GPCPD1: variants seen among roughly 807,000 people sequenced by gnomAD.
GPCPD1 encodes glycerophosphocholine phosphodiesterase GPCPD1.
In GPCPD1, 29 loss-of-function variants were observed where a neutral mutation model predicts 89.2. The observed-to-expected ratio is 0.33, with a 90% CI of 0.24 to 0.44. The LOEUF is 0.44. GPCPD1 is among the 20% of genes least tolerant of loss of function. The pLI is 1.00. For synonymous variants in GPCPD1, 258 were observed against 266.3 expected, an observed-to-expected ratio of 0.97 and a Z score of 0.30; for missense variants, 594 against 808.9, an observed-to-expected ratio of 0.73 and a Z score of 3.22.
intron 2 of GPCPD1, among the ~76,000 whole-genome samples, chr20:5,602,072 C>A (rs931957790): frequency 6.6e-6 from 1 of 152,244 alleles, no homozygotes; most frequent in African/African-American, 2.4e-5. Flanking sequence ...GTCCTCTCTG[C>A]ACTACCATTC....
chr20:5,548,075 AC>A (rs1985133567), intron 19 of GPCPD1, among the ~76,000 whole-genome samples: 1 of 152,238 alleles, frequency 6.6e-6, no homozygotes, highest in African/African-American at 2.4e-5. Flanking sequence ...GCCCTTTTGT[AC>A]CCCCGATGCA....
At position 5,586,266 on chromosome 20, in the gene GPCPD1, T is replaced by C. The variant is rs765836026; in HGVS notation, c.235A>G (p.Ile79Val). ...ACTATCACTTGACATGGACCACCGA[T>C]AGTCTGCAATTTAAAAGTTAAACGT... Reference protein sequence around the residue: ...FKGYFLEPKTIGGPCQVIVHK... With the variant: ...FKGYFLEPKTVGGPCQVIVHK... Residue 79 changes from isoleucine (I) to valine (V), a missense_variant, in exon 5 of 20, where the codon ATC becomes GTC. Coordinates refer to ENST00000379019, the MANE Select transcript of GPCPD1 (RefSeq NM_019593.5). The C allele has an allele frequency of 6.4e-7, 1 of 1,569,246 alleles. No individual in the cohort carries two copies. The highest frequency in any genetic ancestry group is 1.4e-5 in the African/African-American group (1 of 74,072).
At chr20:5,566,596 C>A (rs1986404215) in intron 14 of GPCPD1, 137 bp downstream of exon 14, 3 of 597,370 alleles carry the variant, frequency 5.0e-6, no homozygotes, top group African/African-American at 3.7e-5. Flanking sequence ...CATTTCCGAA[C>A]TATAAAATTA....
In GPCPD1 at chr20:5,546,709, A is replaced by C. The variant is rs1985044321; in HGVS notation, c.*952T>G. The C allele has an allele frequency of 6.6e-6, 1 of 152,634 alleles. No homozygotes were observed. Among genetic ancestry groups the C allele is most frequent in the Admixed American group, 6.5e-5 (1 of 15,280 alleles). The allele number at this position is 152,634 out of a possible 1,614,324, so 9.5% of individuals were successfully genotyped here. ...ACTGTATAACACACGCACATACAAA[A>C]CAAACCCACAAAGCAACAGTGTGTA... On this transcript the variant is annotated 3_prime_UTR_variant, in exon 20 of 20. Transcript: ENST00000379019.
chr20:5,558,021 A>G lies in GPCPD1; in HGVS notation c.1753T>C (p.Trp585Arg). Residue 585 changes from tryptophan to arginine, a missense_variant, in exon 19 of 20, where the codon TGG becomes CGG. Physicochemically the swap from Trp to Arg is moderately radical, Grantham distance 101. Coordinates refer to ENST00000379019, the MANE Select transcript of GPCPD1 (RefSeq NM_019593.5). ...AKAKGLVIFC[W>R]GDDTNDPENR... is the part of the protein sequence containing the mutation. ...TCAGGATCATTGGTATCATCACCCC[A>G]GCAGAATATGACTAGTCCCTTAGCT... is the stretch of plus-strand genomic sequence containing the variant. The G allele has an allele frequency of 2.5e-6, 4 of 1,600,636 alleles. No individual in the cohort carries two copies. The highest frequency in any genetic ancestry group is 3.4e-6 in the Non-Finnish European group (4 of 1,167,968).
intron 16 of GPCPD1, among the ~76,000 whole-genome samples, chr20:5,560,445 T>A (rs1181697039): frequency 2.0e-5 from 3 of 152,196 alleles, no homozygotes; most frequent in African/African-American, 7.2e-5. Flanking sequence ...GCTAACAAAT[T>A]AATAAAATGT....
At chr20:5,580,612 G>C (rs1370152940) in intron 6 of GPCPD1, among the ~76,000 whole-genome samples, 1 of 151,552 alleles carries the variant, frequency 6.6e-6, no homozygotes, top group African/African-American at 2.4e-5. Context: ...TGTAGTCCCA[G>C]CTGCTTGGGA....
chr20:5,610,725 G>T, intron 1 of GPCPD1, 117 bp downstream of exon 1: 1 of 134,188 alleles, frequency 7.5e-6, no homozygotes, highest in South Asian at 2.2e-4. Context: ...CCGGCCCGAG[G>T]ACCCCGCCCG....
rs1039779333 is a variant in GPCPD1 at position 5,599,942 on chromosome 20, C to T, written c.50-1121G>A. ...AAAAGCCAACATAAAGCTACCACCT[C>T]TTCTTGCTAAATTTTATATATTTAG... is the stretch of plus-strand genomic sequence containing the variant. On this transcript the variant is annotated intron_variant, in intron 2 of 19. Transcript: ENST00000379019. Among the ~76,000 whole-genome samples, 8 of 152,242 alleles carry T rather than the reference C, an allele frequency of 5.3e-5. No individual in the cohort carries two copies. The East Asian group carries it at 1.5e-3, about 29-fold the overall frequency.
intron 19 of GPCPD1, chr20:5,549,270 A>G: frequency 1.2e-6 from 1 of 850,510 alleles, no homozygotes; most frequent in Non-Finnish European, 2.0e-6. Context: ...CTCAGTGATG[A>G]TATATGTGCA....
In GPCPD1 at chr20:5,584,326, G is replaced by A; in HGVS notation, c.308-4C>T. On this transcript the variant is annotated splice_polypyrimidine_tract_variant and splice_region_variant and intron_variant, in intron 5 of 19. Transcript: ENST00000379019. ...TCGTCAATAATAATTTCGCTTTCTA[G>A]AATTTAAGGAAAATAGAAAATTTAG... is the stretch of plus-strand genomic sequence containing the variant. 9 of 1,335,982 alleles carry A rather than the reference G, an allele frequency of 6.7e-6. No homozygotes were observed. Among genetic ancestry groups the A allele is most frequent in the Non-Finnish European group, 9.7e-6 (9 of 932,566 alleles). 82.8% of individuals were successfully genotyped at this position (1,335,982 alleles called of 1,614,324 possible).
chr20:5,575,667 AAC>A, intron 9 of GPCPD1, 122 bp from the exon 10 acceptor site: 1 of 903,094 alleles, frequency 1.1e-6, no homozygotes, highest in Admixed American at 2.5e-5. Context: ...CGGAAAAAAA[AAC>A]AAGATTCAAA....
chr20:5,602,847 G>T (rs1980259178), intron 2 of GPCPD1, among the ~76,000 whole-genome samples: 1 of 152,106 alleles, frequency 6.6e-6, no homozygotes, highest in Non-Finnish European at 1.5e-5. Context: ...GCCAGGTGTG[G>T]TGTCAGGCAT....
chr20:5,553,520 G>A (rs994747142), intron 19 of GPCPD1, among the ~76,000 whole-genome samples: 1 of 152,208 alleles, frequency 6.6e-6, no homozygotes, highest in South Asian at 2.1e-4. Context: ...AGGAAGGCAT[G>A]TTAAAAACTA....
intron 8 of GPCPD1, among the ~76,000 whole-genome samples, chr20:5,576,823 T>C (rs746354691): frequency 1.3e-5 from 2 of 152,064 alleles, no homozygotes; most frequent in African/African-American, 2.4e-5. Context: ...CAAAACACTA[T>C]TACAAAAAAT....
intron 6 of GPCPD1, among the ~76,000 whole-genome samples, chr20:5,582,893 G>GA (rs113637716): frequency 0.059 from 5,969 of 101,516 alleles, 158 homozygotes; most frequent in Middle Eastern, 0.092. Context: ...CATCTCAAAA[G>GA]AAAAAAAAAA....
In GPCPD1 at chr20:5,584,263, T is replaced by C. The variant is rs368335542; in HGVS notation, c.349+18A>G. 3.6e-5 allele frequency: 43 copies of C among 1,186,124 alleles called. No homozygotes were observed. In the African/African-American group the frequency reaches 6.0e-4, roughly 17 times the overall value. The allele number at this position is 1,186,124 out of a possible 1,614,324, so 73.5% of individuals were successfully genotyped here. On this transcript the variant is annotated intron_variant, in intron 6 of 19. Transcript: ENST00000379019. ...TCAATCATTTCAGTAAACATTTAAG[T>C]AAGTCAGTCTCACTTACTGTGGATT...
At chr20:5,570,005 G>C (rs539946096) in intron 12 of GPCPD1, 142 bp downstream of exon 12, 69 of 544,316 alleles carry the variant, frequency 1.3e-4, no homozygotes, top group African/African-American at 1.2e-3. Context: ...AAGAGCATGA[G>C]AGGGAAGGAC....
chr20:5,598,164 C>A (rs1326958352), intron 3 of GPCPD1, among the ~76,000 whole-genome samples: 2 of 151,604 alleles, frequency 1.3e-5, no homozygotes, highest in Non-Finnish European at 2.9e-5. Context: ...AACCAGACAC[C>A]ACCTTTGTGC....
Sources: allele counts gnomAD v4.1 joint callset (sites outside exome capture counted in the v4.1 genomes callset), GRCh38; gene constraint gnomAD v4.1.1; transcripts MANE v1.5; gene names NCBI Gene and HGNC (gene_info 2026-07-23, HGNC 2026-07-21).